WDFY2: variants seen among roughly 807,000 people sequenced by gnomAD.
WDFY2 encodes the protein WD repeat and FYVE domain-containing protein 2.
WDFY2 carries 36 observed loss-of-function variants against 56.4 expected under a neutral mutation model. That is an observed-to-expected ratio of 0.64 (90% CI 0.49 to 0.84). The LOEUF is 0.84. Ranked by LOEUF, WDFY2 falls within the 40% of genes least tolerant of loss-of-function variation. WDFY2 has a pLI of 0.00. For missense variants in WDFY2, 444 were observed against 512.2 expected, an observed-to-expected ratio of 0.87 and a Z score of 1.29; for synonymous variants, 176 against 183.7, an observed-to-expected ratio of 0.96 and a Z score of 0.34.
At chr13:51,667,448 T>C (rs1029220218) in intron 2 of WDFY2, among the ~76,000 whole-genome samples, 2 of 152,212 alleles carry the variant, frequency 1.3e-5, no homozygotes, top group African/African-American at 4.8e-5. Flanking sequence ...GTGGTGTTTG[T>C]GCTTATTCCA....
intron 2 of WDFY2, among the ~76,000 whole-genome samples, chr13:51,663,480 C>T (rs1185747823): frequency 2.0e-5 from 3 of 152,096 alleles, no homozygotes; most frequent in Non-Finnish European, 4.4e-5. Flanking sequence ...AAGATTACTA[C>T]TGTGTAGAGG....
chr13:51,648,059 C>G (rs1287678007), intron 1 of WDFY2, among the ~76,000 whole-genome samples: 3 of 152,210 alleles, frequency 2.0e-5, no homozygotes, highest in African/African-American at 7.2e-5. Flanking sequence ...AGACTGGCTA[C>G]TGTGCTGAGT....
chr13:51,605,745 A>T (rs1389701164), intron 1 of WDFY2, among the ~76,000 whole-genome samples: 1 of 152,214 alleles, frequency 6.6e-6, no homozygotes, highest in Non-Finnish European at 1.5e-5. Flanking sequence ...ACACTGCGTG[A>T]TGAAGGAGAA....
intron 1 of WDFY2, among the ~76,000 whole-genome samples, chr13:51,620,869 C>CA (rs1382428929): frequency 3.3e-5 from 5 of 152,144 alleles, no homozygotes; most frequent in Non-Finnish European, 5.9e-5. Context: ...CGGACGCACT[C>CA]ATCTCATCCA....
intron 1 of WDFY2, among the ~76,000 whole-genome samples, chr13:51,610,195 C>CA (rs1398714949): frequency 6.7e-6 from 1 of 150,062 alleles, no homozygotes; most frequent in Admixed American, 6.6e-5. Context: ...GAGTTGGACT[C>CA]AGAGTTATCA....
At chr13:51,733,327 G>A (rs1054383964) in intron 6 of WDFY2, among the ~76,000 whole-genome samples, 5 of 152,200 alleles carry the variant, frequency 3.3e-5, no homozygotes, top group Non-Finnish European at 7.3e-5. Flanking sequence ...GTGAGCCACT[G>A]TGCCCAGCCA....
chr13:51,722,821 T>C (rs1023318217), intron 5 of WDFY2, among the ~76,000 whole-genome samples: 1 of 152,224 alleles, frequency 6.6e-6, no homozygotes, highest in African/African-American at 2.4e-5. Flanking sequence ...TAAATAGAAA[T>C]GTGTTCCTTC....
intron 4 of WDFY2, among the ~76,000 whole-genome samples, chr13:51,708,670 A>G (rs1287569276): frequency 6.6e-6 from 1 of 152,180 alleles, no homozygotes; most frequent in African/African-American, 2.4e-5. Context: ...AAACCTCACA[A>G]TGTCAGTAAT....
chr13:51,696,057 C>T (rs554719287), intron 3 of WDFY2, among the ~76,000 whole-genome samples: 23 of 152,310 alleles, frequency 1.5e-4, no homozygotes, highest in African/African-American at 3.8e-4. Context: ...GGGAGTGACC[C>T]GATTTTCCAG....
At chr13:51,641,825 CAAAAAAAAAAAA>C (rs750489541) in intron 1 of WDFY2, among the ~76,000 whole-genome samples, 6,689 of 37,446 alleles carry the variant, frequency 0.18, 235 homozygotes, top group Middle Eastern at 0.31. Context: ...GACTCCGTCT[CAAAAAAAAAAAA>C]AAAAAAAAAA....
At chr13:51,755,758 G>A (rs112786402) in intron 9 of WDFY2, among the ~76,000 whole-genome samples, 153 of 152,290 alleles carry the variant, frequency 1.0e-3, no homozygotes, top group Admixed American at 3.2e-3. Context: ...ATGGAAACCA[G>A]ACCATGAAAT....
chr13:51,703,609 C>T lies in WDFY2; in HGVS notation c.293C>T (p.Ser98Leu), dbSNP rs1952028778. 6 of 1,606,562 alleles carry T rather than the reference C, an allele frequency of 3.7e-6. No individual in the cohort carries two copies. Among genetic ancestry groups the T allele is most frequent in the Non-Finnish European group, 5.1e-6 (6 of 1,176,332 alleles). Residue 98 changes from serine to leucine, a missense_variant, in exon 4 of 12, where the codon TCA becomes TTA. Physicochemically the swap from Ser to Leu is moderately radical, Grantham distance 145. Coordinates refer to ENST00000298125, the MANE Select transcript of WDFY2 (RefSeq NM_052950.4). ...DNGTISEFIL[S>L]EDYNKMTPVK... ...TTTCTTTTACAGGAGTTTATATTGT[C>T]AGAAGATTATAACAAGATGACTCCT...
At chr13:51,720,284 A>T (rs930426541) in intron 5 of WDFY2, among the ~76,000 whole-genome samples, 1 of 152,342 alleles carries the variant, frequency 6.6e-6, no homozygotes, top group South Asian at 2.1e-4. Flanking sequence ...ATGTATATAT[A>T]TGCTAATATC....
chr13:51,603,917 T>C (rs1340027091), intron 1 of WDFY2, among the ~76,000 whole-genome samples: 1 of 152,098 alleles, frequency 6.6e-6, no homozygotes, highest in African/African-American at 2.4e-5. Context: ...ATCAGAAATA[T>C]TATACAAGAG....
intron 1 of WDFY2, among the ~76,000 whole-genome samples, chr13:51,642,571 A>C (rs952143020): frequency 1.3e-5 from 2 of 151,778 alleles, no homozygotes; most frequent in African/African-American, 4.8e-5. Flanking sequence ...TGTAATTAGA[A>C]ACTTGAGCCA....
At chr13:51,613,941 C>G (rs780478603) in intron 1 of WDFY2, among the ~76,000 whole-genome samples, 8 of 152,074 alleles carry the variant, frequency 5.3e-5, no homozygotes, top group Non-Finnish European at 1.2e-4. Flanking sequence ...AATCCCAGCA[C>G]TTTGGGAGGC....
chr13:51,757,442 A>G (rs1953422407), intron 10 of WDFY2, among the ~76,000 whole-genome samples: 1 of 146,950 alleles, frequency 6.8e-6, no homozygotes. Flanking sequence ...CTGCAGATTT[A>G]GCTATAGAAA....
chr13:51,746,958 A>G (rs976887358), intron 7 of WDFY2, among the ~76,000 whole-genome samples: 4 of 152,252 alleles, frequency 2.6e-5, no homozygotes, highest in Non-Finnish European at 5.9e-5. Context: ...GGGTCCAGAA[A>G]TCCAAGGAAA....
chr13:51,687,977 C>T (rs1956090150), intron 3 of WDFY2, among the ~76,000 whole-genome samples: 1 of 152,050 alleles, frequency 6.6e-6, no homozygotes, highest in South Asian at 2.1e-4. Flanking sequence ...GCGCAGGTCA[C>T]TGTCAAAGAT....
Sources: gnomAD v4.1 joint callset for allele counts (sites outside exome capture counted in the v4.1 genomes callset) on GRCh38, gnomAD v4.1.1 for gene constraint, MANE v1.5 for transcripts, NCBI Gene and HGNC (gene_info 2026-07-23, HGNC 2026-07-21) for gene names.